Variants in HGSNAT observed in about 807,000 individuals in gnomAD.
HGSNAT encodes the protein transmembrane protein 76.
In HGSNAT, 59 loss-of-function variants were observed where a neutral mutation model predicts 85.2. That is an observed-to-expected ratio of 0.69 (90% CI 0.56 to 0.86). The LOEUF is 0.86. HGSNAT is among the 40% of genes least tolerant of loss of function. The pLI, the probability that HGSNAT is intolerant of heterozygous loss-of-function variation, is 0.00. For missense variants in HGSNAT, 756 were observed against 777.1 expected (o/e 0.97, Z 0.32); for synonymous variants, 321 against 304.5 (o/e 1.05, Z -0.56).
chr8:43,158,796 T>C, intron 3 of HGSNAT, 85 bp downstream of exon 3: 1 of 1,502,404 alleles, frequency 6.7e-7, no homozygotes, highest in Non-Finnish European at 8.9e-7. Context: ...CTCTTTACAG[T>C]ATTTTTCTTT....
In HGSNAT at chr8:43,158,491, C is replaced by G. The variant is rs1188533056; in HGVS notation, c.235-84C>G. ...TATGAAGGAAAAGTCATGTCAGGAT[C>G]TCCAGTTGGATATTTATGTCCTCCA... On this transcript the variant is annotated intron_variant, in intron 2 of 17. Coordinates refer to ENST00000379644, the MANE Select transcript of HGSNAT (RefSeq NM_152419.3). 1.0e-5 allele frequency: 14 copies of G among 1,393,344 alleles called. No homozygotes were observed. In the Admixed American group the frequency reaches 1.9e-4, roughly 19 times the overall value. The allele number at this position is 1,393,344 out of a possible 1,614,324, so 86.3% of individuals were successfully genotyped here.
intron 14 of HGSNAT, 102 bp downstream of exon 14, chr8:43,193,945 CTT>C (rs760104039): frequency 2.3e-5 from 36 of 1,539,170 alleles, no homozygotes; most frequent in Non-Finnish European, 2.9e-5. Flanking sequence ...CATATTCTCT[CTT>C]GTGCTATGGG....
chr8:43,201,511 A>T lies in HGSNAT; in HGVS notation c.*1942A>T, dbSNP rs112626858. On this transcript the variant is annotated 3_prime_UTR_variant, in exon 18 of 18. Transcript: ENST00000379644. This position sits in a 1 kb window ranked among gnomAD's most constrained non-coding sequence, Gnocchi z 4.4. ...CTTCCCCGATTACATTTTCCTCTGA[A>T]TTTTTTCCTATCTACATTTGATCTG... The T allele has an allele frequency of 1.3e-5, 2 of 152,008 alleles. No homozygotes were observed. The highest frequency in any genetic ancestry group is 2.9e-5 in the Non-Finnish European group (2 of 68,012). 9.4% of individuals were successfully genotyped at this position (152,008 alleles called of 1,614,324 possible). A position where few individuals can be genotyped will look rare whatever the true frequency, so the allele number is the denominator to read the frequency against.
chr8:43,163,785 G>A (rs1469718230), intron 5 of HGSNAT, among the ~76,000 whole-genome samples: 2 of 152,068 alleles, frequency 1.3e-5, no homozygotes, highest in African/African-American at 4.8e-5. Context: ...CAAAGTGCTG[G>A]GATTACAGGC....
chr8:43,182,016 C>G (rs1271384177), intron 10 of HGSNAT, 129 bp from the exon 11 acceptor site: 3 of 757,312 alleles, frequency 4.0e-6, no homozygotes, highest in Non-Finnish European at 7.0e-6. Flanking sequence ...TTTCCATGTC[C>G]AAGAGCTTAA....
At chr8:43,154,327 A>G in intron 2 of HGSNAT, among the ~76,000 whole-genome samples, 1 of 150,124 alleles carries the variant, frequency 6.7e-6, no homozygotes, top group Admixed American at 6.6e-5. Context: ...TATATCTCCT[A>G]ATGCTATCCC....
chr8:43,153,238 C>T (rs964203313), intron 2 of HGSNAT, among the ~76,000 whole-genome samples: 1 of 151,878 alleles, frequency 6.6e-6, no homozygotes, highest in Non-Finnish European at 1.5e-5. Flanking sequence ...TAACTAAGAC[C>T]ATGGGGAAAG....
intron 2 of HGSNAT, among the ~76,000 whole-genome samples, chr8:43,157,455 A>C (rs1487564863): frequency 6.7e-6 from 1 of 149,616 alleles, no homozygotes; most frequent in African/African-American, 2.4e-5. Flanking sequence ...ACCCTTAGAA[A>C]TCTGCTTTAG....
rs1037266880 is a variant in HGSNAT at position 43,201,207 on chromosome 8, C to T, written c.*1638C>T. ...TTCCCCACTTCTTAAAGTCACCTGT[C>T]CATTGCCACCAGATTAAGCTTTCTC... On this transcript the variant is annotated 3_prime_UTR_variant, in exon 18 of 18. Coordinates refer to ENST00000379644, the MANE Select transcript of HGSNAT (RefSeq NM_152419.3). The surrounding 1 kb of genome is among the most constrained non-coding windows in gnomAD (Gnocchi z 4.4). 4 of 152,554 alleles carry T rather than the reference C, an allele frequency of 2.6e-5. No individual in the cohort carries two copies. Among genetic ancestry groups the T allele is most frequent in the Non-Finnish European group, 5.9e-5 (4 of 68,322 alleles). The allele number at this position is 152,554 out of a possible 1,614,324, so 9.5% of individuals were successfully genotyped here.
chr8:43,170,741 C>T (rs777729664), intron 7 of HGSNAT, 47 bp downstream of exon 7: 2 of 1,204,874 alleles, frequency 1.7e-6, no homozygotes, highest in Non-Finnish European at 2.4e-6. Context: ...AGTCACAGGA[C>T]TACATAATTG....
chr8:43,155,745 T>A (rs149658092), intron 2 of HGSNAT, among the ~76,000 whole-genome samples: 1 of 152,364 alleles, frequency 6.6e-6, no homozygotes, highest in East Asian at 1.9e-4. Flanking sequence ...GTGAAAGATA[T>A]GAGAGATAGG....
Position 43,150,572 on chromosome 8 carries a change from A to G in HGSNAT, c.234+3509A>G, listed in dbSNP as rs562574604. On this transcript the variant is annotated intron_variant, in intron 2 of 17. Transcript: ENST00000379644. ...TTGGAGGCCAGGCGCGGTGGCTCAC[A>G]CCTGTAATCCCAGCACTCTGGGAGG... is the stretch of plus-strand genomic sequence containing the variant. Among the ~76,000 whole-genome samples, 137 of 152,228 alleles carry G rather than the reference A, an allele frequency of 9.0e-4. 2 individuals are homozygous for G. The highest frequency in any genetic ancestry group is 6.8e-3 in the Middle Eastern group (2 of 294).
rs1804918520 is a variant in HGSNAT, at chr8:43,201,551, C to T, written c.*1982C>T. 6.6e-6 allele frequency: 1 copy of T among 152,206 alleles called. No individual in the cohort carries two copies. Among genetic ancestry groups the T allele is most frequent in the African/African-American group, 2.4e-5 (1 of 41,442 alleles). The allele number at this position is 152,206 out of a possible 1,614,324, so 9.4% of individuals were successfully genotyped here. A position where few individuals can be genotyped will look rare whatever the true frequency, so the allele number is the denominator to read the frequency against. ...CATTTGATCTGTCATGTTTAAACCC[C>T]CTACTTCTAAGGGAACTTCTCTAAT... is the stretch of plus-strand genomic sequence containing the variant. On this transcript the variant is annotated 3_prime_UTR_variant, in exon 18 of 18. Transcript: ENST00000379644. The surrounding 1 kb of genome is among the most constrained non-coding windows in gnomAD (Gnocchi z 4.4).
At position 43,201,781 on chromosome 8, in the gene HGSNAT, A is replaced by G. The variant is rs1239750171; in HGVS notation, c.*2212A>G. 1 of 152,262 alleles carries G rather than the reference A, an allele frequency of 6.6e-6. No individual in the cohort carries two copies. The highest frequency in any genetic ancestry group is 1.5e-5 in the Non-Finnish European group (1 of 68,052). The allele number at this position is 152,262 out of a possible 1,614,324, so 9.4% of individuals were successfully genotyped here. A position where few individuals can be genotyped will look rare whatever the true frequency, so the allele number is the denominator to read the frequency against. On this transcript the variant is annotated 3_prime_UTR_variant, in exon 18 of 18. Transcript: ENST00000379644. This position sits in a 1 kb window ranked among gnomAD's most constrained non-coding sequence, Gnocchi z 4.4. ...CTGTATTCCTCATGGTGCCAAACACAGTGCCTTCTACATTGCAGGCGCTGA... is the reference window on the plus strand; with the variant it reads ...CTGTATTCCTCATGGTGCCAAACACGGTGCCTTCTACATTGCAGGCGCTGA...
At chr8:43,180,248 T>A (rs1278896024) in intron 10 of HGSNAT, 4 of 131,552 alleles carry the variant, frequency 3.0e-5, no homozygotes, top group African/African-American at 9.0e-5. Flanking sequence ...CCCCCCCACC[T>A]CCCTCCCGGA....
In HGSNAT at chr8:43,150,128, T is replaced by G. The variant is rs1303661520; in HGVS notation, c.234+3065T>G. On this transcript the variant is annotated intron_variant, in intron 2 of 17. Coordinates refer to ENST00000379644, the MANE Select transcript of HGSNAT (RefSeq NM_152419.3). ...CCCGCCACCGCACCCAGTAATTTTG[T>G]ATTTTTAGTAGAGACAGGGTTTCAC... Among the ~76,000 whole-genome samples the G allele has an allele frequency of 2.0e-5, 3 of 152,138 alleles. No individual in the cohort carries two copies. The East Asian group carries it at 5.8e-4, about 30-fold the overall frequency.
At chr8:43,189,960 G>A (rs1804470493) in intron 11 of HGSNAT, among the ~76,000 whole-genome samples, 1 of 152,100 alleles carries the variant, frequency 6.6e-6, no homozygotes, top group African/African-American at 2.4e-5. Context: ...CAGTCTCTTG[G>A]GGCATTATTG....
intron 10 of HGSNAT, among the ~76,000 whole-genome samples, chr8:43,180,102 AC>A (rs1226414577): frequency 0.01 from 108 of 10,772 alleles, 25 homozygotes; most frequent in African/African-American, 0.023. Context: ...CGGCTGGCCG[AC>A]CCCCCCCCCC....
chr8:43,191,743 G>A, intron 12 of HGSNAT, 148 bp downstream of exon 12: 4 of 1,023,282 alleles, frequency 3.9e-6, no homozygotes, highest in Non-Finnish European at 4.2e-6. Flanking sequence ...GAGGAGATTG[G>A]CACGTGTCCA....
Sources: gnomAD v4.1 joint callset for allele counts (sites outside exome capture counted in the v4.1 genomes callset) on GRCh38, gnomAD v4.1.1 for gene constraint, Gnocchi (gnomAD v3.1) non-coding constraint, MANE v1.5 for transcripts, NCBI Gene and HGNC (gene_info 2026-07-23, HGNC 2026-07-21) for gene names.